The following DNAH7 variants were observed in gnomAD, a reference collection of about 807,000 sequenced individuals.
The protein encoded by DNAH7 is axonemal beta dynein heavy chain 7.
In DNAH7, 397 loss-of-function variants were observed where a neutral mutation model predicts 444.6. That is an observed-to-expected ratio of 0.89 (90% CI 0.82 to 0.97). The LOEUF (loss-of-function observed/expected upper bound fraction) is 0.97, where lower values mean the gene tolerates loss of function less well. DNAH7 is among the 50% of genes least tolerant of loss of function. The pLI is 0.00. For missense variants in DNAH7, 4,902 were observed against 4,800.8 expected (o/e 1.02, Z -0.62); for synonymous variants, 1,636 against 1,624.4 (o/e 1.01, Z -0.17).
intron 5 of DNAH7, among the ~76,000 whole-genome samples, chr2:196,033,328 C>T (rs1054663940): frequency 6.6e-6 from 1 of 152,156 alleles, no homozygotes; most frequent in Admixed American, 6.5e-5. Flanking sequence ...AATTTACTCT[C>T]AAAGATTTTG....
rs1314519541 is a variant in DNAH7, at chr2:195,861,930, G to A, written c.7523C>T (p.Ala2508Val). ...IDWFQSWPED[A>V]LQAVASRFLE... Reference sequence around the variant, plus strand: ...GAATCGTGAGGCAACTGCCTGGAGTGCATCTTCAGGCCATGACTAAATGTA... The same window carrying A: ...GAATCGTGAGGCAACTGCCTGGAGTACATCTTCAGGCCATGACTAAATGTA... The change falls in exon 42 of 65, where the codon GCA becomes GTA. Residue 2508 changes from alanine (A) to valine (V), a missense_variant. By Grantham distance (64) the Ala-to-Val change is moderately conservative. Coordinates refer to ENST00000312428, the MANE Select transcript of DNAH7 (RefSeq NM_018897.3). The A allele has an allele frequency of 1.9e-6, 3 of 1,611,560 alleles. No individual in the cohort carries two copies. The highest frequency in any genetic ancestry group is 4.5e-5 in the East Asian group (2 of 44,860).
intron 15 of DNAH7, among the ~76,000 whole-genome samples, chr2:195,984,245 C>T (rs1031383882): frequency 1.3e-5 from 2 of 152,082 alleles, no homozygotes; most frequent in African/African-American, 2.4e-5. Flanking sequence ...CAGGGTGACC[C>T]CATGGAGACC....
chr2:195,853,806 GTTAA>G (rs1333072681), intron 45 of DNAH7, among the ~76,000 whole-genome samples: 7 of 152,102 alleles, frequency 4.6e-5, no homozygotes, highest in African/African-American at 1.4e-4. Flanking sequence ...GACACTGAAA[GTTAA>G]TTAATAAAGG....
intron 12 of DNAH7, among the ~76,000 whole-genome samples, chr2:195,988,492 A>G (rs1693077480): frequency 6.6e-6 from 1 of 152,096 alleles, no homozygotes; most frequent in African/African-American, 2.4e-5. Context: ...AGTCAATTGA[A>G]AATATATACA....
chr2:196,036,602 C>G (rs1156902681), intron 5 of DNAH7, among the ~76,000 whole-genome samples: 1 of 152,200 alleles, frequency 6.6e-6, no homozygotes, highest in Non-Finnish European at 1.5e-5. Flanking sequence ...AGCAGGGACA[C>G]TGTGTGTCCC....
chr2:195,740,938 A>G, intron 63 of DNAH7, 69 bp from the exon 64 acceptor site: 1 of 945,442 alleles, frequency 1.1e-6, no homozygotes, highest in Non-Finnish European at 1.5e-6. Flanking sequence ...TGAATCTGAA[A>G]TTTCTACATG....
chr2:195,988,080 A>G lies in DNAH7; in HGVS notation c.1503T>C (p.Ile501=), dbSNP rs773064804. Residue 501 remains isoleucine (I), a synonymous_variant, in exon 13 of 65, where the codon ATT becomes ATC. Transcript: ENST00000312428. ...LRLYDKYDFL[I]TRKAERDVDN... ...CAACATCTCGCTCAGCTTTTCTGGTAATTAAAAAGTCATACTTGTCATAGA... is the reference window on the plus strand; with the variant it reads ...CAACATCTCGCTCAGCTTTTCTGGTGATTAAAAAGTCATACTTGTCATAGA... The G allele has an allele frequency of 2.1e-5, 34 of 1,613,574 alleles. No individual in the cohort carries two copies. The highest frequency in any genetic ancestry group is 2.7e-5 in the Non-Finnish European group (32 of 1,179,780).
chr2:196,068,834 G>A lies in DNAH7; in HGVS notation c.-123C>T. The A allele has an allele frequency of 2.4e-6, 3 of 1,274,342 alleles. No homozygotes were observed. Among genetic ancestry groups the A allele is most frequent in the Non-Finnish European group, 3.2e-6 (3 of 929,408 alleles). 78.9% of individuals were successfully genotyped at this position (1,274,342 alleles called of 1,614,324 possible). On this transcript the variant is annotated 5_prime_UTR_variant, in exon 1 of 65. In the 5' UTR this introduces an upstream ATG that the reference lacks. Transcript: ENST00000312428. ...TCTCAGCTCCCTCCGCACCAGAGCC[G>A]TCTAGCGTCCGGGCAGCGTTTGTTG... is the stretch of plus-strand genomic sequence containing the variant.
intron 47 of DNAH7, among the ~76,000 whole-genome samples, chr2:195,836,948 C>T (rs1471932525): frequency 6.6e-6 from 1 of 152,156 alleles, no homozygotes; most frequent in African/African-American, 2.4e-5. Context: ...TGAACATCAG[C>T]TCAAAAGCTA....
intron 27 of DNAH7, chr2:195,901,062 C>T (rs1175958657): frequency 2.0e-5 from 3 of 152,040 alleles, no homozygotes. Context: ...ACCTTTTCTA[C>T]AATAGCATTA....
intron 12 of DNAH7, chr2:195,995,501 C>T (rs1191063149): frequency 6.2e-6 from 2 of 321,694 alleles, no homozygotes; most frequent in Non-Finnish European, 1.2e-5. Context: ...CTGAGAGGTA[C>T]TGTGAGCGCC....
intron 19 of DNAH7, among the ~76,000 whole-genome samples, chr2:195,944,936 T>A (rs1450661836): frequency 6.6e-6 from 1 of 151,928 alleles, no homozygotes; most frequent in Non-Finnish European, 1.5e-5. Flanking sequence ...AGCCTCATGG[T>A]CCACCAAACA....
chr2:195,743,799 T>C (rs1693198694), intron 63 of DNAH7, among the ~76,000 whole-genome samples: 1 of 55,148 alleles, frequency 1.8e-5, no homozygotes, highest in Non-Finnish European at 5.9e-5. Context: ...GTGAAACGTA[T>C]ATTGTGCATT....
intron 19 of DNAH7, among the ~76,000 whole-genome samples, chr2:195,945,888 G>C (rs139658160): frequency 2.9e-4 from 44 of 152,276 alleles, no homozygotes; most frequent in African/African-American, 1.0e-3. Flanking sequence ...CATGCAGAGA[G>C]GGATTATCCA....
chr2:195,860,734 G>A (rs552871162), intron 42 of DNAH7, among the ~76,000 whole-genome samples: 1 of 152,122 alleles, frequency 6.6e-6, no homozygotes, highest in East Asian at 1.9e-4. Context: ...CAAACTCATA[G>A]TATTAATATT....
intron 63 of DNAH7, among the ~76,000 whole-genome samples, chr2:195,748,039 G>T (rs1485369459): frequency 2.0e-5 from 3 of 152,086 alleles, no homozygotes; most frequent in African/African-American, 7.2e-5. Context: ...AAGAGGAAGT[G>T]AAATTGTCCC....
chr2:196,010,164 T>TC (rs1260483465), intron 10 of DNAH7, among the ~76,000 whole-genome samples: 1 of 151,080 alleles, frequency 6.6e-6, no homozygotes, highest in Non-Finnish European at 1.5e-5. Flanking sequence ...TTTTTTTTTT[T>TC]CTTGAGCCAG....
At chr2:195,859,463 AAT>A (rs953482311) in intron 42 of DNAH7, among the ~76,000 whole-genome samples, 3 of 151,938 alleles carry the variant, frequency 2.0e-5, no homozygotes, top group Non-Finnish European at 2.9e-5. Context: ...TTTATCTGCA[AAT>A]ATATATATAT....
At chr2:195,976,925 G>C (rs777777020) in intron 15 of DNAH7, among the ~76,000 whole-genome samples, 44 of 152,202 alleles carry the variant, frequency 2.9e-4, no homozygotes, top group Admixed American at 9.2e-4. Context: ...GTGTTACTGG[G>C]CTTGGGGTAT....
Sources: allele counts gnomAD v4.1 joint callset (sites outside exome capture counted in the v4.1 genomes callset), GRCh38; gene constraint gnomAD v4.1.1; transcripts MANE v1.5; gene names NCBI Gene and HGNC (gene_info 2026-07-23, HGNC 2026-07-21).